The following TPCN2 variants were observed in gnomAD, a reference collection of about 807,000 sequenced individuals.
The protein encoded by TPCN2 is two pore channel protein 2.
In TPCN2, 92 loss-of-function variants were observed where a neutral mutation model predicts 111.4. The ratio of observed to expected loss-of-function variants is 0.83; its 90% CI spans 0.70 to 0.98. The LOEUF (loss-of-function observed/expected upper bound fraction) is 0.98, where lower values mean the gene tolerates loss of function less well. Ranked by LOEUF, TPCN2 falls within the 50% of genes least tolerant of loss-of-function variation. The pLI, the probability that TPCN2 is intolerant of heterozygous loss-of-function variation, is 0.00. For missense variants in TPCN2, 995 were observed against 980.1 expected (o/e 1.02, Z -0.20); for synonymous variants, 405 against 414.5 (o/e 0.98, Z 0.28).
chr11:69,076,907 C>T (rs1333933153), intron 13 of TPCN2, among the ~76,000 whole-genome samples: 1 of 104,212 alleles, frequency 9.6e-6, no homozygotes, highest in Admixed American at 1.3e-4. Flanking sequence ...CTGCCATGTC[C>T]CTCCACTTGC....
intron 13 of TPCN2, among the ~76,000 whole-genome samples, chr11:69,076,648 C>T (rs1231939430): frequency 8.7e-6 from 1 of 114,412 alleles, no homozygotes; most frequent in Non-Finnish European, 1.8e-5. Context: ...ACCTGCCCTC[C>T]TGCCGTGTCC....
At chr11:69,062,820 G>C (rs1433941052) in intron 5 of TPCN2, 64 bp from the exon 6 acceptor site, 5 of 1,496,068 alleles carry the variant, frequency 3.3e-6, no homozygotes, top group South Asian at 1.1e-5. Context: ...GCCCATCTGG[G>C]ATGGTCGGTG....
intron 23 of TPCN2, 126 bp from the exon 24 acceptor site, chr11:69,086,986 T>A: frequency 1.4e-6 from 1 of 737,262 alleles, no homozygotes; most frequent in Non-Finnish European, 2.3e-6. Flanking sequence ...TGTGCCTGGG[T>A]GTCCAGGGTG....
chr11:69,064,674 C>G (rs1855184075), intron 7 of TPCN2, among the ~76,000 whole-genome samples: 1 of 152,230 alleles, frequency 6.6e-6, no homozygotes, highest in Non-Finnish European at 1.5e-5. Flanking sequence ...GTGGACAGTG[C>G]TCAGCCTGCG....
intron 22 of TPCN2, among the ~76,000 whole-genome samples, 189 bp from the exon 23 acceptor site, chr11:69,086,334 G>C (rs1003410075): frequency 6.6e-6 from 1 of 152,154 alleles, no homozygotes; most frequent in African/African-American, 2.4e-5. Flanking sequence ...TAGCTACCTC[G>C]GCAGCTTGTT....
intron 13 of TPCN2, among the ~76,000 whole-genome samples, chr11:69,075,946 G>A (rs79481933): frequency 0.053 from 8,045 of 152,294 alleles, 256 homozygotes; most frequent in Middle Eastern, 0.089. Flanking sequence ...CAGTTACACA[G>A]CTAACATATG....
chr11:69,073,221 G>A (rs928637707), intron 13 of TPCN2, among the ~76,000 whole-genome samples: 4 of 152,228 alleles, frequency 2.6e-5, no homozygotes, highest in African/African-American at 4.8e-5. Flanking sequence ...CCTGAGCCCA[G>A]CCCGACATGA....
chr11:69,076,788 AC>A (rs1855782331), intron 13 of TPCN2, among the ~76,000 whole-genome samples: 2 of 10,678 alleles, frequency 1.9e-4, no homozygotes, highest in Non-Finnish European at 6.2e-4. Context: ...GTGTCCCTCC[AC>A]CTGCCCTCCT....
At chr11:69,077,955 G>T (rs1202060296) in intron 13 of TPCN2, among the ~76,000 whole-genome samples, 1 of 152,216 alleles carries the variant, frequency 6.6e-6, no homozygotes, top group Non-Finnish European at 1.5e-5. Context: ...CATTCCCCTT[G>T]TTGACCTCTT....
At chr11:69,055,899 G>A (rs139972840) in intron 4 of TPCN2, among the ~76,000 whole-genome samples, 2,020 of 152,336 alleles carry the variant, frequency 0.013, 14 homozygotes, top group Middle Eastern at 0.031. Context: ...AAGAGAAGAG[G>A]AGAGGAGGTG....
At chr11:69,077,175 C>T (rs146408946) in intron 13 of TPCN2, among the ~76,000 whole-genome samples, 581 of 5,164 alleles carry the variant, frequency 0.11, no homozygotes, top group East Asian at 0.18. Context: ...GCCCTCCTGC[C>T]GTGTCCCTTC....
At chr11:69,080,733 C>T (rs1855971101) in intron 17 of TPCN2, among the ~76,000 whole-genome samples, 1 of 152,292 alleles carries the variant, frequency 6.6e-6, no homozygotes, top group Middle Eastern at 3.4e-3. Flanking sequence ...GAACTTACCT[C>T]AGGAAGGCAG....
chr11:69,077,050 C>T (rs1206405076), intron 13 of TPCN2, among the ~76,000 whole-genome samples: 1 of 111,586 alleles, frequency 9.0e-6, no homozygotes, highest in Admixed American at 8.9e-5. Flanking sequence ...CCTCCACCTG[C>T]CCTCGTGCCA....
At chr11:69,081,330 C>A in intron 17 of TPCN2, 70 bp from the exon 18 acceptor site, 2 of 1,061,234 alleles carry the variant, frequency 1.9e-6, no homozygotes, top group Non-Finnish European at 1.4e-6. Context: ...CAGGAACCCG[C>A]GCGTTTCCTT....
chr11:69,072,902 C>T lies in TPCN2; in HGVS notation c.1144-13C>T, dbSNP rs757368616. On this transcript the variant is annotated splice_polypyrimidine_tract_variant and intron_variant, in intron 12 of 24. Coordinates refer to ENST00000294309, the MANE Select transcript of TPCN2 (RefSeq NM_139075.4). ...CCGTGCGCCCCTGCTGACCTGTGCT[C>T]CTTCCTGTGCAGAAGGTGCGTTCCT... is the stretch of plus-strand genomic sequence containing the variant. 1.2e-5 allele frequency: 19 copies of T among 1,608,232 alleles called. No homozygotes were observed. Among genetic ancestry groups the T allele is most frequent in the Non-Finnish European group, 1.5e-5 (18 of 1,174,858 alleles).
At chr11:69,072,870 C>T in intron 12 of TPCN2, 45 bp from the exon 13 acceptor site, 1 of 1,566,296 alleles carries the variant, frequency 6.4e-7, no homozygotes, top group Non-Finnish European at 8.8e-7. Context: ...CGAGGGCGCT[C>T]ACCTTCCCGT....
In TPCN2 at chr11:69,087,931, C is replaced by T. The variant is rs755078998; in HGVS notation, c.2237C>T (p.Pro746Leu). The change falls in exon 25 of 25, where the codon CCG becomes CTG. Residue 746 changes from proline (P) to leucine (L), a missense_variant. Pro to Leu is a moderately conservative substitution (Grantham distance 98). Transcript: ENST00000294309. ...DELTERLSQH[P>L]HLWLCR ...CTCACAGAGAGGCTGAGCCAGCACC[C>T]GCACCTGTGGCTGTGCAGGTGACGT... 1.8e-5 allele frequency: 29 copies of T among 1,610,980 alleles called. No individual in the cohort carries two copies. Among genetic ancestry groups the T allele is most frequent in the African/African-American group, 4.0e-5 (3 of 74,870 alleles).
At chr11:69,082,638 G>A (rs1856075704) in intron 18 of TPCN2, among the ~76,000 whole-genome samples, 1 of 151,066 alleles carries the variant, frequency 6.6e-6, no homozygotes, top group African/African-American at 2.4e-5. Context: ...ATGATCGTGT[G>A]TGCACACATC....
At chr11:69,068,706 C>T (rs1454061581) in intron 8 of TPCN2, among the ~76,000 whole-genome samples, 1 of 43,438 alleles carries the variant, frequency 2.3e-5, no homozygotes, top group Admixed American at 2.3e-4. Flanking sequence ...GGAGCAGGAC[C>T]GTCTGAGTCC....
Sources: gnomAD v4.1 joint callset for allele counts (sites outside exome capture counted in the v4.1 genomes callset) on GRCh38, gnomAD v4.1.1 for gene constraint, MANE v1.5 for transcripts, NCBI Gene and HGNC (gene_info 2026-07-23, HGNC 2026-07-21) for gene names.